MPC2: variants seen among roughly 807,000 people sequenced by gnomAD.
MPC2 encodes the protein mitochondrial pyruvate carrier 2, also known as brain protein 44.
MPC2 carries 19 observed loss-of-function variants against 19.2 expected under a neutral mutation model. That is an observed-to-expected ratio of 0.99 (90% CI 0.69 to 1.45). The LOEUF is 1.45. Among genes scored for constraint, MPC2 ranks in the 40% most tolerant of loss-of-function variants. The pLI, the probability that MPC2 is intolerant of heterozygous loss-of-function variation, is 0.00. For missense variants in MPC2, 122 were observed against 153.0 expected, an observed-to-expected ratio of 0.80 and a Z score of 1.07; for synonymous variants, 61 against 54.3, an observed-to-expected ratio of 1.12 and a Z score of -0.54.
At chr1:167,922,165 C>T (rs146293221) in intron 3 of MPC2, among the ~76,000 whole-genome samples, 14 of 152,212 alleles carry the variant, frequency 9.2e-5, no homozygotes, top group Non-Finnish European at 1.8e-4. Context: ...GAAGAAGTCT[C>T]CCCACCAGAG....
chr1:167,934,544 C>T (rs1671007938), intron 2 of MPC2, among the ~76,000 whole-genome samples: 1 of 152,128 alleles, frequency 6.6e-6, no homozygotes, highest in Non-Finnish European at 1.5e-5. Flanking sequence ...TTCAATGTTG[C>T]AGTAAATAAT....
chr1:167,932,552 T>C (rs1007789999), intron 2 of MPC2, among the ~76,000 whole-genome samples: 6 of 152,054 alleles, frequency 3.9e-5, no homozygotes, highest in Non-Finnish European at 8.8e-5. Flanking sequence ...CTCACACCTG[T>C]AATCCCAGCA....
intron 2 of MPC2, among the ~76,000 whole-genome samples, chr1:167,926,236 G>T (rs1450936597): frequency 1.3e-5 from 2 of 152,186 alleles, no homozygotes; most frequent in African/African-American, 4.8e-5. Context: ...GAAACAGCTG[G>T]TGAGAGAATT....
At chr1:167,927,498 T>C (rs1164713381) in intron 2 of MPC2, among the ~76,000 whole-genome samples, 4 of 152,194 alleles carry the variant, frequency 2.6e-5, no homozygotes, top group Non-Finnish European at 4.4e-5. Flanking sequence ...AGTCAGTCCA[T>C]GTATTGTTTT....
intron 3 of MPC2, among the ~76,000 whole-genome samples, chr1:167,922,725 T>C (rs1222288754): frequency 1.3e-5 from 2 of 152,266 alleles, no homozygotes; most frequent in East Asian, 3.9e-4. Context: ...GGCCATAAGA[T>C]TGAGTCATAG....
In MPC2 at chr1:167,935,875, G is replaced by T; in HGVS notation, c.-34C>A. The T allele has an allele frequency of 6.7e-7, 1 of 1,488,214 alleles. No individual in the cohort carries two copies. The highest frequency in any genetic ancestry group is 9.2e-7 in the Non-Finnish European group (1 of 1,091,538). 92.2% of individuals were successfully genotyped at this position (1,488,214 alleles called of 1,614,324 possible). On this transcript the variant is annotated 5_prime_UTR_variant, in exon 2 of 6. Transcript: ENST00000271373. ...AGGGATCGTTGGCAGCCGGGTGGGA[G>T]CGTGGCTGTGTTCTCGTCCCTGGCT...
chr1:167,934,150 C>A (rs1306286453), intron 2 of MPC2, among the ~76,000 whole-genome samples: 1 of 152,144 alleles, frequency 6.6e-6, no homozygotes, highest in Admixed American at 6.5e-5. Context: ...GAAAGGTAAT[C>A]CCTCTTCATT....
chr1:167,936,830 C>T (rs977213787), intron 1 of MPC2, 109 bp downstream of exon 1: 7 of 1,257,320 alleles, frequency 5.6e-6, no homozygotes, highest in Non-Finnish European at 3.4e-6. Context: ...CGGTGCGGCT[C>T]GGGTGTTGAA....
chr1:167,920,775 TACA>T (rs909426689), intron 3 of MPC2, 144 bp from the exon 4 acceptor site: 21 of 836,870 alleles, frequency 2.5e-5, no homozygotes, highest in African/African-American at 5.2e-5. Context: ...AAATGTAGAT[TACA>T]ACAAAAAAAA....
Position 167,935,866 on chromosome 1 carries a change from CG to C in MPC2, c.-26del. 6.6e-7 allele frequency: 1 copy of C among 1,524,348 alleles called. No homozygotes were observed. Among genetic ancestry groups the C allele is most frequent in the Non-Finnish European group, 8.9e-7 (1 of 1,124,428 alleles). 94.4% of individuals were successfully genotyped at this position (1,524,348 alleles called of 1,614,324 possible). A position where few individuals can be genotyped will look rare whatever the true frequency, so the allele number is the denominator to read the frequency against. ...TCGCCGCCGAGGGATCGTTGGCAGC[CG>C]GGTGGGAGCGTGGCTGTGTTCTCGT... On this transcript the variant is annotated 5_prime_UTR_variant, in exon 2 of 6. Transcript: ENST00000271373.
chr1:167,925,166 C>A (rs1222345769), intron 2 of MPC2, among the ~76,000 whole-genome samples: 1 of 151,896 alleles, frequency 6.6e-6, no homozygotes. Context: ...ATTCTTACAG[C>A]AAAATTCATT....
chr1:167,930,609 C>T (rs1670880273), intron 2 of MPC2, among the ~76,000 whole-genome samples: 1 of 152,146 alleles, frequency 6.6e-6, no homozygotes, highest in African/African-American at 2.4e-5. Context: ...TAAGGAAAGT[C>T]CAAGCTCCCT....
chr1:167,936,251 C>T (rs1355646640), intron 1 of MPC2: 2 of 222,074 alleles, frequency 9.0e-6, no homozygotes, highest in Non-Finnish European at 1.8e-5. Context: ...CTCCCCATGC[C>T]CTCGAGGCCA....
intron 2 of MPC2, among the ~76,000 whole-genome samples, chr1:167,926,429 G>A (rs1446325093): frequency 2.0e-5 from 3 of 152,166 alleles, no homozygotes; most frequent in African/African-American, 7.2e-5. Context: ...TTCTTCTTTG[G>A]TTAAGGTTGG....
chr1:167,933,002 A>G (rs1484428080), intron 2 of MPC2, among the ~76,000 whole-genome samples: 1 of 151,998 alleles, frequency 6.6e-6, no homozygotes, highest in Non-Finnish European at 1.5e-5. Flanking sequence ...GAACTTGACC[A>G]GGACACACAT....
rs556018983 is a variant in MPC2, at chr1:167,919,427, G to C, written c.347+552C>G. Among the ~76,000 whole-genome samples, 9 of 152,212 alleles carry C rather than the reference G, an allele frequency of 5.9e-5. No individual in the cohort carries two copies. In the East Asian group the frequency reaches 1.7e-3, roughly 29 times the overall value. On this transcript the variant is annotated intron_variant, in intron 5 of 5. Coordinates refer to ENST00000271373, the MANE Select transcript of MPC2 (RefSeq NM_001143674.4). Reference sequence around the variant, plus strand: ...CAAAAGATCCTGATTTCAAATATTTGATCATAATGTCATTATCATAAATCA... The same window carrying C: ...CAAAAGATCCTGATTTCAAATATTTCATCATAATGTCATTATCATAAATCA...
At position 167,920,649 on chromosome 1, in the gene MPC2, G is replaced by T. The variant is rs1411193305; in HGVS notation, c.151-18C>A. The T allele has an allele frequency of 4.4e-6, 7 of 1,597,242 alleles. No homozygotes were observed. The South Asian group carries it at 8.0e-5, about 18-fold the overall frequency. On this transcript the variant is annotated intron_variant, in intron 3 of 5. Transcript: ENST00000271373. ...ACCAACCCCTACACATTAACGCATA[G>T]AAAGAAAAAAAGTATCACAAATGTG...
At chr1:167,925,546 G>GTTT (rs1557854280) in intron 2 of MPC2, among the ~76,000 whole-genome samples, 7 of 101,838 alleles carry the variant, frequency 6.9e-5, no homozygotes, top group African/African-American at 2.5e-4. Context: ...TTTTTTTTTG[G>GTTT]TTTTTTTTGT....
chr1:167,928,359 T>G (rs1670814563), intron 2 of MPC2, among the ~76,000 whole-genome samples: 1 of 151,846 alleles, frequency 6.6e-6, no homozygotes. Context: ...TTAACAAAAT[T>G]TTAAAGAAAA....
Sources: gnomAD v4.1 joint callset for allele counts (sites outside exome capture counted in the v4.1 genomes callset) on GRCh38, gnomAD v4.1.1 for gene constraint, MANE v1.5 for transcripts, NCBI Gene and HGNC (gene_info 2026-07-23, HGNC 2026-07-21) for gene names.